BNC2: variants seen among roughly 807,000 people sequenced by gnomAD.
The protein encoded by BNC2 is zinc finger protein basonuclin-2.
BNC2 carries 20 observed loss-of-function variants against 76.3 expected under a neutral mutation model. The ratio of observed to expected loss-of-function variants is 0.26; its 90% CI spans 0.18 to 0.38. The LOEUF is 0.38. BNC2 is among the 10% of genes least tolerant of loss of function. The pLI, the probability that BNC2 is intolerant of heterozygous loss-of-function variation, is 1.00. For synonymous variants in BNC2, 582 were observed against 514.8 expected (o/e 1.13, Z -1.77); for missense variants, 1,382 against 1,399.8 (o/e 0.99, Z 0.20).
chr9:16,845,476 A>G (rs759053636), intron 1 of BNC2, among the ~76,000 whole-genome samples: 1 of 150,004 alleles, frequency 6.7e-6, no homozygotes, highest in Non-Finnish European at 1.5e-5. Flanking sequence ...AATCCCAGCA[A>G]TTTGGGAGGC....
intron 1 of BNC2, among the ~76,000 whole-genome samples, chr9:16,819,400 T>C (rs1818260468): frequency 1.3e-5 from 2 of 152,290 alleles, no homozygotes; most frequent in East Asian, 1.9e-4. Flanking sequence ...CAATGGCTCA[T>C]GCCTGTAATC....
At chr9:16,453,576 T>C (rs975702505) in intron 5 of BNC2, among the ~76,000 whole-genome samples, 11 of 152,162 alleles carry the variant, frequency 7.2e-5, no homozygotes, top group African/African-American at 2.7e-4. Flanking sequence ...TTCACCCCAC[T>C]CACATTCTGA....
intron 5 of BNC2, among the ~76,000 whole-genome samples, chr9:16,490,742 C>T (rs974885017): frequency 6.6e-6 from 1 of 152,028 alleles, no homozygotes; most frequent in Admixed American, 6.6e-5. Flanking sequence ...AGAGAAGCTA[C>T]AAAAAGAGAA....
intron 3 of BNC2, among the ~76,000 whole-genome samples, chr9:16,656,371 C>G (rs1485577114): frequency 6.6e-6 from 1 of 152,102 alleles, no homozygotes; most frequent in Admixed American, 6.5e-5. Context: ...ATTCGATGCA[C>G]CAGGAGAACT....
intron 5 of BNC2, among the ~76,000 whole-genome samples, chr9:16,471,363 G>C (rs1821821021): frequency 6.7e-6 from 1 of 149,928 alleles, no homozygotes; most frequent in Non-Finnish European, 1.5e-5. Flanking sequence ...GCACGATCTT[G>C]GCTCACTGCA....
At chr9:16,608,582 T>C (rs1820448655) in intron 3 of BNC2, among the ~76,000 whole-genome samples, 1 of 152,218 alleles carries the variant, frequency 6.6e-6, no homozygotes, top group Non-Finnish European at 1.5e-5. Flanking sequence ...CATAGCTCAC[T>C]GCAGCCTTGA....
chr9:16,667,288 T>A (rs2134138300), intron 3 of BNC2, among the ~76,000 whole-genome samples: 1 of 152,338 alleles, frequency 6.6e-6, no homozygotes, highest in Non-Finnish European at 1.5e-5. Context: ...CTATGTTTAT[T>A]CAAGGAGTTT....
chr9:16,779,049 A>C, intron 1 of BNC2, among the ~76,000 whole-genome samples: 1 of 144,010 alleles, frequency 6.9e-6, no homozygotes, highest in Admixed American at 7.1e-5. Flanking sequence ...GAGGCCAAGG[A>C]TGGTTGATTG....
At chr9:16,490,238 G>T (rs776532143) in intron 5 of BNC2, among the ~76,000 whole-genome samples, 4 of 152,178 alleles carry the variant, frequency 2.6e-5, no homozygotes, top group Non-Finnish European at 5.9e-5. Flanking sequence ...CAGAATCATG[G>T]TGGGAGGTGA....
intron 3 of BNC2, among the ~76,000 whole-genome samples, chr9:16,615,016 C>A (rs1820660128): frequency 2.8e-5 from 4 of 140,974 alleles, no homozygotes; most frequent in Admixed American, 7.2e-5. Flanking sequence ...CCAAGCAGGC[C>A]AGTTACCTTT....
intron 1 of BNC2, among the ~76,000 whole-genome samples, chr9:16,830,578 G>C (rs1011293122): frequency 6.6e-6 from 1 of 152,182 alleles, no homozygotes; most frequent in Non-Finnish European, 1.5e-5. Context: ...ACGGTTGGTT[G>C]AATCTGCGGG....
At chr9:16,813,573 A>C (rs1254056507) in intron 1 of BNC2, among the ~76,000 whole-genome samples, 2 of 152,132 alleles carry the variant, frequency 1.3e-5, no homozygotes, top group African/African-American at 4.8e-5. Flanking sequence ...CCAAAAAACC[A>C]TTATTTTTAG....
rs751961896 is a variant in BNC2 at position 16,436,036 on chromosome 9, G to A, written c.2158C>T (p.Arg720Trp). 1.4e-5 allele frequency: 22 copies of A among 1,613,976 alleles called. No homozygotes were observed. The highest frequency in any genetic ancestry group is 1.6e-5 in the Non-Finnish European group (19 of 1,180,036). The change falls in exon 6 of 7, where the codon CGG (arginine) becomes TGG (tryptophan). Residue 720 changes from arginine (R) to tryptophan (W), a missense_variant. This residue lies in a region of BNC2 where 798 missense variants were observed against 775.5 expected (regional missense o/e 1.03). Coordinates refer to ENST00000380672, the MANE Select transcript of BNC2 (RefSeq NM_017637.6). Reference protein sequence around the residue: ...SMTSEDQEPERDYENESESSE... With the variant: ...SMTSEDQEPEWDYENESESSE... The stretch of plus-strand genomic sequence containing the variant: ...GACTCAGACTCGTTCTCATAGTCCC[G>A]CTCAGGTTCTTGGTCTTCAGAAGTC...
intron 5 of BNC2, among the ~76,000 whole-genome samples, chr9:16,452,304 T>C (rs1821358128): frequency 6.6e-6 from 1 of 152,182 alleles, no homozygotes; most frequent in African/African-American, 2.4e-5. Context: ...GTACAAAAAA[T>C]CAGCAAACTG....
At chr9:16,491,050 A>AAT (rs1822268876) in intron 5 of BNC2, among the ~76,000 whole-genome samples, 1 of 152,246 alleles carries the variant, frequency 6.6e-6, no homozygotes. Context: ...ACAGAGACGC[A>AAT]GACAGACAAC....
At chr9:16,646,546 T>C (rs939247890) in intron 3 of BNC2, among the ~76,000 whole-genome samples, 2 of 152,096 alleles carry the variant, frequency 1.3e-5, no homozygotes, top group Non-Finnish European at 2.9e-5. Context: ...ACAGGTAAAA[T>C]GAATCTATTG....
chr9:16,430,047 A>C (rs1225726370), intron 6 of BNC2: 1 of 482,354 alleles, frequency 2.1e-6, no homozygotes, highest in Admixed American at 2.2e-5. Flanking sequence ...TTATCTTACT[A>C]CCAAAGTTTT....
At chr9:16,745,808 ATGTGAC>A in intron 1 of BNC2, among the ~76,000 whole-genome samples, 1 of 152,230 alleles carries the variant, frequency 6.6e-6, no homozygotes. Context: ...AACCCATTAC[ATGTGAC>A]TGTATCAGGG....
intron 4 of BNC2, among the ~76,000 whole-genome samples, chr9:16,574,916 G>T (rs1231936705): frequency 6.6e-6 from 1 of 152,158 alleles, no homozygotes; most frequent in Non-Finnish European, 1.5e-5. Flanking sequence ...GCAGAGAAGG[G>T]ATTTGACCAC....
Sources: gnomAD v4.1 joint callset for allele counts (sites outside exome capture counted in the v4.1 genomes callset) on GRCh38, gnomAD v4.1.1 for gene constraint, gnomAD v4.1.1 regional missense constraint, MANE v1.5 for transcripts, NCBI Gene and HGNC (gene_info 2026-07-23, HGNC 2026-07-21) for gene names.